Variants in ARB2A observed in about 807,000 individuals in gnomAD.
The protein encoded by ARB2A is ARB2 cotranscriptional regulator A, also known as cotranscriptional regulator ARB2A.
chr5:93,742,359 C>CCA, the ARB2A span, among the ~76,000 whole-genome samples: 1 of 152,268 alleles, frequency 6.6e-6, no homozygotes, highest in East Asian at 1.9e-4. Context: ...CTGGCCTGAC[C>CCA]CACTGTCCCC....
the ARB2A span, among the ~76,000 whole-genome samples, chr5:93,780,881 A>G: frequency 6.6e-6 from 1 of 152,128 alleles, no homozygotes. Context: ...TTTAAAGGAA[A>G]CTGTTACTAA....
the ARB2A span, among the ~76,000 whole-genome samples, chr5:93,978,952 A>T: frequency 6.6e-6 from 1 of 152,252 alleles, no homozygotes; most frequent in East Asian, 1.9e-4. Context: ...TTGATAACAG[A>T]GTAGGGCAAT....
the ARB2A span, among the ~76,000 whole-genome samples, chr5:93,970,372 C>T: frequency 6.6e-6 from 1 of 151,708 alleles, no homozygotes; most frequent in Non-Finnish European, 1.5e-5. Flanking sequence ...CCTCTTTCAA[C>T]CAAATAAAAT....
the ARB2A span, among the ~76,000 whole-genome samples, chr5:93,663,091 C>T: frequency 3.9e-5 from 6 of 152,080 alleles, no homozygotes; most frequent in Admixed American, 2.0e-4. Context: ...CCACAAAATC[C>T]GCACCTCTCA....
At chr5:93,895,144 G>A in the ARB2A span, among the ~76,000 whole-genome samples, 2 of 152,162 alleles carry the variant, frequency 1.3e-5, no homozygotes, top group Non-Finnish European at 2.9e-5. Flanking sequence ...GCAGTTGTCT[G>A]TGCTCATGCC....
At chr5:94,007,286 T>C in the ARB2A span, among the ~76,000 whole-genome samples, 4 of 152,194 alleles carry the variant, frequency 2.6e-5, no homozygotes, top group South Asian at 8.3e-4. Context: ...CTGGTAAAGA[T>C]TAAAAGTATA....
the ARB2A span, among the ~76,000 whole-genome samples, chr5:94,056,281 G>A: frequency 6.6e-6 from 1 of 152,098 alleles, no homozygotes; most frequent in Non-Finnish European, 1.5e-5. Context: ...ATGATAAAAC[G>A]AACAACTAAA....
the ARB2A span, among the ~76,000 whole-genome samples, chr5:93,845,982 T>TTCTC: frequency 1.5e-5 from 2 of 137,486 alleles, no homozygotes; most frequent in Non-Finnish European, 3.1e-5. Context: ...AGAACATATT[T>TTCTC]TCTCTCTCTC....
chr5:93,716,063 T>C, the ARB2A span, among the ~76,000 whole-genome samples: 1 of 152,320 alleles, frequency 6.6e-6, no homozygotes, highest in Non-Finnish European at 1.5e-5. Flanking sequence ...CATTTCTCCA[T>C]CTCTACTCTT....
chr5:94,065,417 G>A, the ARB2A span, among the ~76,000 whole-genome samples: 1 of 152,182 alleles, frequency 6.6e-6, no homozygotes, highest in Admixed American at 6.5e-5. Context: ...AAGAGGCTGA[G>A]GTGGGAGGAT....
chr5:93,640,632 G>GTATATATA, the ARB2A span, among the ~76,000 whole-genome samples: 26 of 150,088 alleles, frequency 1.7e-4, no homozygotes, highest in African/African-American at 6.4e-4. Flanking sequence ...ACATATGTGT[G>GTATATATA]TGTATATATA....
the ARB2A span, among the ~76,000 whole-genome samples, chr5:93,725,000 C>A: frequency 6.6e-6 from 1 of 151,954 alleles, no homozygotes; most frequent in South Asian, 2.1e-4. Context: ...ATATGCTGGA[C>A]AAAGGGATGA....
At chr5:93,761,761 A>C in the ARB2A span, among the ~76,000 whole-genome samples, 1 of 152,314 alleles carries the variant, frequency 6.6e-6, no homozygotes, top group African/African-American at 2.4e-5. Context: ...CTGCCTCCTC[A>C]AGTGGGTCCC....
At chr5:93,636,983 T>C in the ARB2A span, among the ~76,000 whole-genome samples, 57 of 152,346 alleles carry the variant, frequency 3.7e-4, no homozygotes, top group Non-Finnish European at 7.2e-4. Flanking sequence ...AATATGACAA[T>C]TGTGATACTG....
At chr5:93,780,716 C>T in the ARB2A span, among the ~76,000 whole-genome samples, 5 of 152,052 alleles carry the variant, frequency 3.3e-5, no homozygotes, top group East Asian at 1.9e-4. Flanking sequence ...CCTGCCACCA[C>T]GCCTGGCTAA....
At chr5:93,854,885 G>T in the ARB2A span, among the ~76,000 whole-genome samples, 1 of 152,200 alleles carries the variant, frequency 6.6e-6, no homozygotes, top group East Asian at 1.9e-4. Flanking sequence ...CAACTATGTG[G>T]TCAATTTTGG....
chr5:94,076,882 C>T, the ARB2A span, among the ~76,000 whole-genome samples: 2,191 of 152,188 alleles, frequency 0.014, 54 homozygotes, highest in African/African-American at 0.05. Flanking sequence ...CAGAACAATA[C>T]ATATAATTAT....
the ARB2A span, among the ~76,000 whole-genome samples, chr5:93,772,542 A>C: frequency 1.3e-5 from 2 of 152,224 alleles, no homozygotes; most frequent in Non-Finnish European, 2.9e-5. Context: ...TAACCCCAAA[A>C]TTTGGCAGCT....
chr5:93,743,957 C>T, the ARB2A span, among the ~76,000 whole-genome samples: 1 of 152,064 alleles, frequency 6.6e-6, no homozygotes, highest in Non-Finnish European at 1.5e-5. Context: ...TGAGCCATCG[C>T]GCCTGGCTAA....
Sources: allele counts gnomAD v4.1 joint callset (sites outside exome capture counted in the v4.1 genomes callset), GRCh38; gene constraint gnomAD v4.1.1; transcripts MANE v1.5; gene names NCBI Gene and HGNC (gene_info 2026-07-23, HGNC 2026-07-21).